The following PDE4D variants were observed in gnomAD, a reference collection of about 807,000 sequenced individuals.
PDE4D encodes phosphodiesterase 4D.
PDE4D carries 24 observed loss-of-function variants against 87.4 expected under a neutral mutation model. The observed-to-expected ratio is 0.27, with a 90% CI of 0.20 to 0.39. PDE4D has a LOEUF of 0.39. Ranked by LOEUF, PDE4D falls within the 10% of genes least tolerant of loss-of-function variation. PDE4D has a pLI of 1.00. For synonymous variants in PDE4D, 384 were observed against 383.2 expected (o/e 1.00, Z -0.02); for missense variants, 714 against 1,041.0 (o/e 0.69, Z 4.32).
intron 1 of PDE4D, among the ~76,000 whole-genome samples, chr5:59,565,614 A>G (rs1027116656): frequency 2.0e-5 from 3 of 152,246 alleles, no homozygotes; most frequent in Admixed American, 6.5e-5. Flanking sequence ...AGGTGTGGGT[A>G]GTGGGGTGAA....
chr5:60,048,690 G>A (rs1769656069), intron 2 of PDE4D, among the ~76,000 whole-genome samples: 1 of 151,820 alleles, frequency 6.6e-6, no homozygotes, highest in Admixed American at 6.6e-5. Context: ...GTTGAATATT[G>A]GCCCCCACTC....
chr5:59,019,782 A>G (rs1754729174), intron 6 of PDE4D, among the ~76,000 whole-genome samples: 1 of 149,576 alleles, frequency 6.7e-6, no homozygotes, highest in African/African-American at 2.4e-5. Context: ...ACAGGAACAT[A>G]ATGTATTATT....
At chr5:59,613,842 T>C (rs892771895) in intron 1 of PDE4D, among the ~76,000 whole-genome samples, 1 of 152,292 alleles carries the variant, frequency 6.6e-6, no homozygotes, top group South Asian at 2.1e-4. Flanking sequence ...CCAGAACTTA[T>C]GAAATCTTCA....
intron 2 of PDE4D, among the ~76,000 whole-genome samples, chr5:60,183,445 T>C (rs1784534393): frequency 6.6e-6 from 1 of 152,178 alleles, no homozygotes; most frequent in Non-Finnish European, 1.5e-5. Context: ...TATGCCTGAA[T>C]TGTTTGAGTT....
At position 60,056,684 on chromosome 5, in the gene PDE4D, T is replaced by C. The variant is rs147356299; in HGVS notation, c.43-67967A>G. ...GCTCTGCTCTCAGTCTTAAGCAACC[T>C]GTCTAATTTTTCTGGGCCTAGGTTT... On this transcript the variant is annotated intron_variant, in intron 2 of 16. Transcript: ENST00000502484. Among the ~76,000 whole-genome samples the C allele has an allele frequency of 4.5e-4, 69 of 152,164 alleles. No individual in the cohort carries two copies. The East Asian group carries it at 0.012, about 27-fold the overall frequency.
chr5:60,346,862 A>C (rs1362143601), intron 1 of PDE4D, among the ~76,000 whole-genome samples: 2 of 152,156 alleles, frequency 1.3e-5, no homozygotes, highest in African/African-American at 4.8e-5. Context: ...TTAAGAACAA[A>C]ATTCCAATGA....
At chr5:59,896,470 A>G (rs1751669802), upstream of PDE4D, among the ~76,000 whole-genome samples, 1 of 152,198 alleles carries the variant, frequency 6.6e-6, no homozygotes, top group Non-Finnish European at 1.5e-5. Context: ...CCCAGGCTCC[A>G]TGAAGCAGGA....
intron 1 of PDE4D, among the ~76,000 whole-genome samples, chr5:59,286,102 A>T (rs1440675384): frequency 6.6e-6 from 1 of 152,280 alleles, no homozygotes; most frequent in Admixed American, 6.5e-5. Flanking sequence ...ACTGGATGAG[A>T]GGACCGAAGG....
At chr5:60,192,656 G>T (rs544791119) in intron 1 of PDE4D, among the ~76,000 whole-genome samples, 1 of 152,078 alleles carries the variant, frequency 6.6e-6, no homozygotes, top group Non-Finnish European at 1.5e-5. Flanking sequence ...AAAAAGGCAG[G>T]ATTAAAGTTG....
At chr5:59,324,038 G>A (rs1177310439) in intron 1 of PDE4D, among the ~76,000 whole-genome samples, 1 of 151,940 alleles carries the variant, frequency 6.6e-6, no homozygotes, top group South Asian at 2.1e-4. Flanking sequence ...ACATGATACT[G>A]TGTCTACCTG....
At chr5:60,375,234 T>A (rs1421177156) in intron 1 of PDE4D, among the ~76,000 whole-genome samples, 1 of 152,216 alleles carries the variant, frequency 6.6e-6, no homozygotes, top group Non-Finnish European at 1.5e-5. Flanking sequence ...GTTTACCCTA[T>A]GAGGACAGGG....
At chr5:59,668,807 G>C (rs1377453333) in intron 1 of PDE4D, among the ~76,000 whole-genome samples, 1 of 67,734 alleles carries the variant, frequency 1.5e-5, no homozygotes, top group East Asian at 4.4e-4. Context: ...GAAGAAGAAA[G>C]AAGAAGAAGA....
chr5:59,692,848 C>T (rs957676689), intron 1 of PDE4D, among the ~76,000 whole-genome samples: 2 of 152,056 alleles, frequency 1.3e-5, no homozygotes, highest in Non-Finnish European at 2.9e-5. Context: ...ATTTCTCTTC[C>T]TCACTTTTCA....
intron 1 of PDE4D, among the ~76,000 whole-genome samples, chr5:59,648,385 ACT>A (rs1742825832): frequency 6.6e-6 from 1 of 152,086 alleles, no homozygotes; most frequent in Non-Finnish European, 1.5e-5. Context: ...TTTCCAAGTC[ACT>A]CTCTTAAATA....
intron 1 of PDE4D, among the ~76,000 whole-genome samples, chr5:60,269,196 A>G (rs1435066542): frequency 3.3e-5 from 5 of 152,060 alleles, no homozygotes; most frequent in South Asian, 4.1e-4. Flanking sequence ...AGTCCCAGCT[A>G]CTCGGGAGGC....
chr5:60,147,898 T>C (rs1002375039), intron 2 of PDE4D: 3 of 406,242 alleles, frequency 7.4e-6, no homozygotes, highest in Non-Finnish European at 4.9e-6. Context: ...AGAGAAACTG[T>C]AACCAAGACA....
At chr5:59,962,697 GACAATCAAAGAA>G (rs1488509688) in intron 3 of PDE4D, among the ~76,000 whole-genome samples, 3 of 152,002 alleles carry the variant, frequency 2.0e-5, no homozygotes, top group Non-Finnish European at 4.4e-5. Context: ...CATTTAAAGA[GACAATCAAAGAA>G]TATTTAGCCA....
At chr5:58,988,807 CA>C (rs572253348) in intron 10 of PDE4D, among the ~76,000 whole-genome samples, 98 of 152,142 alleles carry the variant, frequency 6.4e-4, no homozygotes, top group African/African-American at 2.1e-3. Flanking sequence ...ATCTCATGAT[CA>C]AATGTTTTCC....
At chr5:60,210,164 T>C (rs894275718) in intron 1 of PDE4D, among the ~76,000 whole-genome samples, 2 of 152,114 alleles carry the variant, frequency 1.3e-5, no homozygotes, top group Admixed American at 6.5e-5. Context: ...AAATCTAATA[T>C]ATTAACTCAA....
Sources: gnomAD v4.1 joint callset for allele counts (sites outside exome capture counted in the v4.1 genomes callset) on GRCh38, gnomAD v4.1.1 for gene constraint, MANE v1.5 for transcripts, NCBI Gene and HGNC (gene_info 2026-07-23, HGNC 2026-07-21) for gene names.